The following DNER variants were observed in gnomAD, a reference collection of about 807,000 sequenced individuals.
The protein encoded by DNER is delta/notch like EGF repeat containing, also known as delta and Notch-like epidermal growth factor-related receptor.
In DNER, 33 loss-of-function variants were observed where a neutral mutation model predicts 78.2. The observed-to-expected ratio is 0.42, with a 90% confidence interval of 0.32 to 0.56. The LOEUF (loss-of-function observed/expected upper bound fraction) is 0.56. Ranked by LOEUF, DNER falls within the 20% of genes least tolerant of loss-of-function variation. The pLI is 0.11. For synonymous variants in DNER, 417 were observed against 384.8 expected (o/e 1.08, Z -0.98); for missense variants, 918 against 975.3 (o/e 0.94, Z 0.78).
chr2:229,698,356 T>C (rs1699691466), intron 1 of DNER, among the ~76,000 whole-genome samples: 1 of 152,114 alleles, frequency 6.6e-6, no homozygotes, highest in Non-Finnish European at 1.5e-5. Flanking sequence ...TTTCCAAATA[T>C]ACAGGAGAAA....
chr2:229,510,630 T>C (rs1473832815), intron 6 of DNER, among the ~76,000 whole-genome samples: 1 of 152,142 alleles, frequency 6.6e-6, no homozygotes, highest in Non-Finnish European at 1.5e-5. Context: ...GTCTGGCTTC[T>C]AGAAATGGAT....
At chr2:229,549,683 G>T (rs190995042) in intron 4 of DNER, among the ~76,000 whole-genome samples, 103 of 152,224 alleles carry the variant, frequency 6.8e-4, no homozygotes, top group African/African-American at 2.4e-3. Context: ...AGGCAGAAGC[G>T]CGTGGATCAT....
intron 5 of DNER, among the ~76,000 whole-genome samples, chr2:229,538,693 A>AT (rs563610996): frequency 1.7e-3 from 256 of 152,030 alleles, no homozygotes; most frequent in Middle Eastern, 6.8e-3. Flanking sequence ...CATAGGTATC[A>AT]TTTTTTGTGG....
chr2:229,644,303 T>A (rs1698674986), intron 1 of DNER, among the ~76,000 whole-genome samples: 1 of 149,852 alleles, frequency 6.7e-6, no homozygotes, highest in Admixed American at 6.6e-5. Flanking sequence ...ATACCCTCCA[T>A]CCATCAAGTA....
chr2:229,439,875 G>T (rs1694196768), intron 8 of DNER, among the ~76,000 whole-genome samples: 1 of 152,154 alleles, frequency 6.6e-6, no homozygotes, highest in Admixed American at 6.5e-5. Flanking sequence ...AATGATTTCT[G>T]CTGTCCTCAC....
At chr2:229,409,651 C>T (rs778595208) in intron 9 of DNER, among the ~76,000 whole-genome samples, 10 of 151,998 alleles carry the variant, frequency 6.6e-5, no homozygotes, top group Admixed American at 1.3e-4. Flanking sequence ...TTTTGGAGGG[C>T]GGGGAGACAA....
chr2:229,439,022 T>C (rs1459334469), intron 8 of DNER, among the ~76,000 whole-genome samples: 4 of 152,194 alleles, frequency 2.6e-5, no homozygotes, highest in Non-Finnish European at 4.4e-5. Flanking sequence ...TGTATTGTCA[T>C]GGGCAGAGAA....
chr2:229,676,547 G>A (rs1440020090), intron 1 of DNER, among the ~76,000 whole-genome samples: 1 of 152,160 alleles, frequency 6.6e-6, no homozygotes, highest in East Asian at 1.9e-4. Context: ...TGGTTTTGGG[G>A]TGCTATTTGC....
At chr2:229,385,118 G>T (rs1202621040) in intron 11 of DNER, among the ~76,000 whole-genome samples, 1 of 139,194 alleles carries the variant, frequency 7.2e-6, no homozygotes, top group Non-Finnish European at 1.5e-5. Flanking sequence ...AAAAAAAAAA[G>T]CTTATCCACC....
chr2:229,385,726 C>A lies in DNER; in HGVS notation c.1855+2539G>T, dbSNP rs556510471. Among the ~76,000 whole-genome samples, 45 of 151,788 alleles carry A rather than the reference C, an allele frequency of 3.0e-4. 1 individual carries two copies. Among genetic ancestry groups the A allele is most frequent in the Non-Finnish European group, 5.7e-4 (39 of 67,850 alleles). ...ATGAGTGAACTCTCATTCACAATTG[C>A]GACAGAGAATAAAATACATAAGAAT... On this transcript the variant is annotated intron_variant, in intron 11 of 12. Transcript: ENST00000341772.
intron 6 of DNER, among the ~76,000 whole-genome samples, chr2:229,480,367 T>C (rs1171902688): frequency 2.0e-5 from 3 of 152,234 alleles, no homozygotes; most frequent in African/African-American, 7.2e-5. Context: ...TTTTTAAAGA[T>C]CACTTTTAAT....
chr2:229,369,725 C>T (rs945289306), intron 11 of DNER, among the ~76,000 whole-genome samples: 50 of 152,072 alleles, frequency 3.3e-4, no homozygotes, highest in African/African-American at 1.1e-3. Context: ...CTGTGATTGG[C>T]GTAGGTCAAG....
chr2:229,602,609 G>T (rs1041325725), intron 1 of DNER, among the ~76,000 whole-genome samples: 2 of 152,140 alleles, frequency 1.3e-5, no homozygotes, highest in Non-Finnish European at 2.9e-5. Flanking sequence ...CAAGTTTGCT[G>T]CATGCAAGAT....
chr2:229,603,533 C>A (rs1697874187), intron 1 of DNER, among the ~76,000 whole-genome samples: 1 of 152,062 alleles, frequency 6.6e-6, no homozygotes. Context: ...AACAAATTCC[C>A]CAAACACAAT....
chr2:229,498,059 T>C (rs1485106459), intron 6 of DNER, among the ~76,000 whole-genome samples: 2 of 152,068 alleles, frequency 1.3e-5, no homozygotes, highest in Non-Finnish European at 2.9e-5. Flanking sequence ...TTTAATACCA[T>C]ATTAACAGAA....
intron 10 of DNER, among the ~76,000 whole-genome samples, chr2:229,392,376 G>A (rs1020049777): frequency 1.6e-4 from 25 of 152,018 alleles, no homozygotes; most frequent in African/African-American, 4.8e-4. Flanking sequence ...AATCATTCTG[G>A]CTTTCTTCCT....
At chr2:229,692,346 A>G (rs376396816) in intron 1 of DNER, among the ~76,000 whole-genome samples, 38 of 152,330 alleles carry the variant, frequency 2.5e-4, no homozygotes, top group African/African-American at 8.9e-4. Context: ...GATACTGTAT[A>G]TCTACTTAAT....
At chr2:229,457,788 A>G (rs928930723) in intron 7 of DNER, among the ~76,000 whole-genome samples, 1 of 151,446 alleles carries the variant, frequency 6.6e-6, no homozygotes, top group Non-Finnish European at 1.5e-5. Flanking sequence ...AAAAAAAAAA[A>G]AGATCTAACT....
chr2:229,696,876 CA>C (rs1299793455), intron 1 of DNER, among the ~76,000 whole-genome samples: 3 of 152,146 alleles, frequency 2.0e-5, no homozygotes, highest in Admixed American at 1.3e-4. Context: ...AGTAACCATC[CA>C]GGGGGGATCC....
Sources: gnomAD v4.1 joint callset for allele counts (sites outside exome capture counted in the v4.1 genomes callset) on GRCh38, gnomAD v4.1.1 for gene constraint, MANE v1.5 for transcripts, NCBI Gene and HGNC (gene_info 2026-07-23, HGNC 2026-07-21) for gene names.